The following SPATA17 variants were observed in gnomAD, a reference collection of about 807,000 sequenced individuals.
SPATA17 encodes spermatogenesis-associated protein 17.
A neutral mutation model predicts 62.2 loss-of-function variants in SPATA17; 53 were observed. The observed-to-expected ratio is 0.85, with a 90% CI of 0.68 to 1.07. The LOEUF is 1.07. Among genes scored for constraint, SPATA17 ranks in the 50% least tolerant of loss-of-function variants. The pLI is 0.00. For synonymous variants in SPATA17, 146 were observed against 146.8 expected, an observed-to-expected ratio of 0.99 and a Z score of 0.04; for missense variants, 466 against 425.5, an observed-to-expected ratio of 1.10 and a Z score of -0.84.
At chr1:217,670,206 C>A (rs374339455) in intron 4 of SPATA17, among the ~76,000 whole-genome samples, 2 of 152,212 alleles carry the variant, frequency 1.3e-5, no homozygotes, top group South Asian at 2.1e-4. Flanking sequence ...ACCATTGATT[C>A]TTTTCTTCTT....
intron 9 of SPATA17, among the ~76,000 whole-genome samples, chr1:217,810,957 G>A (rs2102991994): frequency 6.6e-6 from 1 of 152,238 alleles, no homozygotes; most frequent in South Asian, 2.1e-4. Context: ...AATTTTAGAT[G>A]AGATTTTGGT....
intron 3 of SPATA17, among the ~76,000 whole-genome samples, chr1:217,664,504 A>G (rs1670648490): frequency 6.6e-6 from 1 of 151,872 alleles, no homozygotes; most frequent in South Asian, 2.1e-4. Flanking sequence ...CGTGTTGGCC[A>G]GGCTGGTCTC....
At chr1:217,814,739 T>G (rs2102993643) in intron 9 of SPATA17, among the ~76,000 whole-genome samples, 1 of 152,184 alleles carries the variant, frequency 6.6e-6, no homozygotes, top group Middle Eastern at 3.4e-3. Flanking sequence ...TTCCAGCTAC[T>G]TGAGAGGCTG....
chr1:217,709,398 A>G (rs1323603827), intron 5 of SPATA17, among the ~76,000 whole-genome samples: 3 of 152,072 alleles, frequency 2.0e-5, no homozygotes, highest in African/African-American at 4.8e-5. Context: ...TTCACTTCCA[A>G]GCTCACTCAC....
intron 6 of SPATA17, among the ~76,000 whole-genome samples, chr1:217,773,805 C>A (rs1417005474): frequency 6.6e-6 from 1 of 151,820 alleles, no homozygotes; most frequent in Non-Finnish European, 1.5e-5. Flanking sequence ...ATAGGTGATA[C>A]CAATTTGATT....
At chr1:217,741,321 TA>T (rs767208380) in intron 5 of SPATA17, among the ~76,000 whole-genome samples, 15 of 152,144 alleles carry the variant, frequency 9.9e-5, no homozygotes, top group Non-Finnish European at 2.2e-4. Flanking sequence ...TACACATAAA[TA>T]ATGAAAAGTT....
intron 4 of SPATA17, among the ~76,000 whole-genome samples, chr1:217,675,409 C>T (rs73093555): frequency 0.011 from 1,729 of 152,250 alleles, 31 homozygotes; most frequent in African/African-American, 0.034. Flanking sequence ...ATGCCCATTT[C>T]ATATTGTTGT....
At chr1:217,755,789 G>C (rs2102958956) in intron 6 of SPATA17, among the ~76,000 whole-genome samples, 1 of 151,874 alleles carries the variant, frequency 6.6e-6, no homozygotes, top group South Asian at 2.1e-4. Flanking sequence ...ATGTACATAA[G>C]TTAACTTACG....
intron 6 of SPATA17, among the ~76,000 whole-genome samples, chr1:217,761,304 T>C (rs1041213583): frequency 7.9e-5 from 12 of 152,312 alleles, no homozygotes; most frequent in Admixed American, 6.5e-4. Flanking sequence ...GGACTATTTA[T>C]AGTTCTTTAG....
chr1:217,802,730 T>C (rs1410452172), intron 9 of SPATA17, among the ~76,000 whole-genome samples: 3 of 152,138 alleles, frequency 2.0e-5, no homozygotes, highest in Non-Finnish European at 4.4e-5. Flanking sequence ...ATATTCAACA[T>C]ATGAATTCTA....
intron 3 of SPATA17, among the ~76,000 whole-genome samples, chr1:217,654,717 C>CT (rs199930213): frequency 0.053 from 7,171 of 134,584 alleles, 631 homozygotes; most frequent in African/African-American, 0.18. Flanking sequence ...TTTACATAAT[C>CT]TTTTTTTTTT....
chr1:217,712,374 C>T (rs757720108), intron 5 of SPATA17, among the ~76,000 whole-genome samples: 15 of 152,146 alleles, frequency 9.9e-5, no homozygotes, highest in Non-Finnish European at 1.6e-4. Context: ...GATCCACCCA[C>T]CTTGGCCTCC....
chr1:217,714,249 C>A (rs547996629), intron 5 of SPATA17, among the ~76,000 whole-genome samples: 1 of 151,634 alleles, frequency 6.6e-6, no homozygotes, highest in African/African-American at 2.4e-5. Context: ...ATTAGCCAAG[C>A]GTGGTGGCAG....
chr1:217,836,990 AAGATT>A (rs1675275099), intron 9 of SPATA17, among the ~76,000 whole-genome samples: 2 of 152,158 alleles, frequency 1.3e-5, no homozygotes, highest in African/African-American at 4.8e-5. Flanking sequence ...AAAAAAATTA[AAGATT>A]AAAAAGTAGA....
intron 9 of SPATA17, among the ~76,000 whole-genome samples, chr1:217,828,275 A>T (rs75501811): frequency 6.6e-6 from 1 of 152,106 alleles, no homozygotes; most frequent in South Asian, 2.1e-4. Flanking sequence ...ATAAATTGAA[A>T]CATATGTGGT....
intron 8 of SPATA17, among the ~76,000 whole-genome samples, chr1:217,793,749 C>T (rs532516880): frequency 6.6e-6 from 1 of 152,070 alleles, no homozygotes; most frequent in Admixed American, 6.6e-5. Flanking sequence ...GAACCAGGAG[C>T]GATTGTGCAA....
intron 3 of SPATA17, among the ~76,000 whole-genome samples, chr1:217,668,826 G>A (rs1219333393): frequency 6.6e-6 from 1 of 152,098 alleles, no homozygotes; most frequent in Non-Finnish European, 1.5e-5. Context: ...TTAGCTCCTA[G>A]TTTGACTACC....
At chr1:217,811,308 G>A (rs561266233) in intron 9 of SPATA17, among the ~76,000 whole-genome samples, 3 of 152,184 alleles carry the variant, frequency 2.0e-5, no homozygotes, top group East Asian at 1.9e-4. Flanking sequence ...GATTACAGGC[G>A]TGAGCCACCA....
chr1:217,633,057 G>A (rs1160736740), intron 1 of SPATA17, among the ~76,000 whole-genome samples: 1 of 152,116 alleles, frequency 6.6e-6, no homozygotes, highest in Non-Finnish European at 1.5e-5. Flanking sequence ...AATCAGCCAG[G>A]CATGGTGGTG....
Sources: gnomAD v4.1 joint callset for allele counts (sites outside exome capture counted in the v4.1 genomes callset) on GRCh38, gnomAD v4.1.1 for gene constraint, MANE v1.5 for transcripts, NCBI Gene and HGNC (gene_info 2026-07-23, HGNC 2026-07-21) for gene names.